The following MGAT4C variants were observed in gnomAD, a reference collection of about 807,000 sequenced individuals.
The protein encoded by MGAT4C is alpha-1,3-mannosyl-glycoprotein 4-beta-N-acetylglucosaminyltransferase C.
A neutral mutation model predicts 40.1 loss-of-function variants in MGAT4C; 19 were observed. The observed-to-expected ratio is 0.47, with a 90% CI of 0.33 to 0.70. MGAT4C has a LOEUF of 0.70. Among genes scored for constraint, MGAT4C ranks in the 30% least tolerant of loss-of-function variants. The pLI is 0.02. For synonymous variants in MGAT4C, 181 were observed against 187.1 expected (o/e 0.97, Z 0.27); for missense variants, 491 against 563.2 (o/e 0.87, Z 1.30).
chr12:86,491,458 G>A (rs917830896), intron 2 of MGAT4C, among the ~76,000 whole-genome samples: 3 of 151,914 alleles, frequency 2.0e-5, no homozygotes, highest in African/African-American at 2.4e-5. Context: ...AGATCAAGTG[G>A]GCTTCATCCC....
chr12:86,578,944 T>C (rs1382210230), intron 2 of MGAT4C, among the ~76,000 whole-genome samples: 2 of 151,648 alleles, frequency 1.3e-5, no homozygotes, highest in African/African-American at 4.8e-5. Flanking sequence ...TTATAGTTTT[T>C]GTTTTGAAAT....
At chr12:86,495,572 C>A (rs1280717946) in intron 2 of MGAT4C, among the ~76,000 whole-genome samples, 1 of 152,036 alleles carries the variant, frequency 6.6e-6, no homozygotes, top group Non-Finnish European at 1.5e-5. Flanking sequence ...CCACTTCAAG[C>A]TGCAGATCTG....
intron 1 of MGAT4C, among the ~76,000 whole-genome samples, chr12:86,240,098 A>G (rs2471564): frequency 0.67 from 100,189 of 150,612 alleles, 34,470 homozygotes; most frequent in East Asian, 0.95. Context: ...AATGTGCAGA[A>G]AGCAATTAAT....
intron 1 of MGAT4C, among the ~76,000 whole-genome samples, chr12:86,169,724 A>G (rs1046958313): frequency 2.0e-4 from 30 of 152,170 alleles, no homozygotes; most frequent in Non-Finnish European, 4.1e-4. Flanking sequence ...TAAAATACAC[A>G]TCAATAATTC....
At chr12:86,444,134 C>T (rs1592855298) in intron 2 of MGAT4C, among the ~76,000 whole-genome samples, 2 of 152,266 alleles carry the variant, frequency 1.3e-5, no homozygotes, top group East Asian at 3.9e-4. Context: ...CTTCTCAACT[C>T]GCTTTTATAG....
At chr12:86,505,440 C>T (rs757697217) in intron 2 of MGAT4C, among the ~76,000 whole-genome samples, 24 of 152,068 alleles carry the variant, frequency 1.6e-4, no homozygotes, top group Non-Finnish European at 2.9e-4. Flanking sequence ...TAGGTGAGGC[C>T]AGAAGTCAGG....
intron 1 of MGAT4C, among the ~76,000 whole-genome samples, chr12:86,055,846 C>G (rs1893335468): frequency 2.0e-5 from 3 of 152,030 alleles, no homozygotes; most frequent in South Asian, 4.1e-4. Context: ...CGTCTTCATT[C>G]TCTCTTTCAG....
chr12:86,006,179 C>T (rs941003230), intron 2 of MGAT4C, among the ~76,000 whole-genome samples: 3 of 152,156 alleles, frequency 2.0e-5, no homozygotes, highest in African/African-American at 7.2e-5. Flanking sequence ...CATGGAAACA[C>T]TTCATGCTGT....
At chr12:86,597,689 C>T (rs188819005) in intron 2 of MGAT4C, among the ~76,000 whole-genome samples, 42 of 152,236 alleles carry the variant, frequency 2.8e-4, no homozygotes, top group African/African-American at 1.0e-3. Context: ...TGAAGGACCA[C>T]ACAGGAGCTG....
intron 1 of MGAT4C, among the ~76,000 whole-genome samples, chr12:86,242,002 A>T (rs1229183792): frequency 6.6e-6 from 1 of 152,152 alleles, no homozygotes; most frequent in Non-Finnish European, 1.5e-5. Flanking sequence ...GTGGCCTCCC[A>T]GTGTCTCAGA....
chr12:86,203,458 A>G (rs1459723103), intron 1 of MGAT4C, among the ~76,000 whole-genome samples: 3 of 152,152 alleles, frequency 2.0e-5, no homozygotes, highest in African/African-American at 7.2e-5. Flanking sequence ...AAGTACTCTC[A>G]AACATTTCCA....
At chr12:86,091,050 G>A (rs891956131) in intron 1 of MGAT4C, among the ~76,000 whole-genome samples, 4 of 151,860 alleles carry the variant, frequency 2.6e-5, no homozygotes, top group Non-Finnish European at 5.9e-5. Context: ...CAAGTGAAAT[G>A]AGAAAACAAT....
chr12:86,746,183 TTGTC>T (rs1951148898), intron 1 of MGAT4C, among the ~76,000 whole-genome samples: 1 of 151,668 alleles, frequency 6.6e-6, no homozygotes, highest in Non-Finnish European at 1.5e-5. Context: ...ACTTGTGGTA[TTGTC>T]TGTCTATTTT....
intron 2 of MGAT4C, among the ~76,000 whole-genome samples, chr12:86,643,992 CTG>C (rs1312605808): frequency 6.6e-6 from 1 of 151,564 alleles, no homozygotes; most frequent in Non-Finnish European, 1.5e-5. Context: ...TTAAGGTTAA[CTG>C]TAAAAAATAA....
In MGAT4C at chr12:86,367,872, T is replaced by C. The variant is rs192541065; in HGVS notation, c.-119-33745A>G. The stretch of plus-strand genomic sequence containing the variant: ...AAAAACAACTCTTAAACTCTTAGTC[T>C]CTAAGAGAGTGGGCTCCGACCTAAC... On this transcript the variant is annotated intron_variant, in intron 3 of 7. Coordinates refer to the MGAT4C transcript ENST00000548651. 3.0e-3 allele frequency among the ~76,000 whole-genome samples: 451 copies of C among 152,262 alleles called. 2 individuals are homozygous for C. The highest frequency in any genetic ancestry group is 0.01 in the African/African-American group (430 of 41,574).
At chr12:86,406,015 A>G (rs1172846851) in intron 3 of MGAT4C, among the ~76,000 whole-genome samples, 1 of 141,484 alleles carries the variant, frequency 7.1e-6, no homozygotes, top group Non-Finnish European at 1.5e-5. Context: ...ATAAATATAT[A>G]CAAATACATA....
chr12:86,436,144 T>A (rs1417456946), intron 2 of MGAT4C, among the ~76,000 whole-genome samples: 2 of 151,818 alleles, frequency 1.3e-5, no homozygotes, highest in Admixed American at 6.6e-5. Flanking sequence ...CTACGAAAAA[T>A]ATGAATTAAC....
chr12:86,060,675 TA>T, intron 1 of MGAT4C, among the ~76,000 whole-genome samples: 1 of 152,286 alleles, frequency 6.6e-6, no homozygotes, highest in Admixed American at 6.5e-5. Context: ...CTGAAGAAAA[TA>T]AATAGAAACA....
intron 1 of MGAT4C, among the ~76,000 whole-genome samples, chr12:86,128,703 T>C (rs920268513): frequency 1.3e-5 from 2 of 152,172 alleles, no homozygotes; most frequent in African/African-American, 4.8e-5. Context: ...AATAACACAA[T>C]ATTTTCTTCA....
Sources: allele counts gnomAD v4.1 joint callset (sites outside exome capture counted in the v4.1 genomes callset), GRCh38; gene constraint gnomAD v4.1.1; transcripts MANE v1.5; gene names NCBI Gene and HGNC (gene_info 2026-07-23, HGNC 2026-07-21).